ST18: variants seen among roughly 807,000 people sequenced by gnomAD.
ST18 encodes the protein ST18 C2H2C-type zinc finger transcription factor, also known as suppression of tumorigenicity 18 protein.
A neutral mutation model predicts 110.0 loss-of-function variants in ST18; 50 were observed. That is an observed-to-expected ratio of 0.45 (90% CI 0.36 to 0.58). The LOEUF is 0.58. Among genes scored for constraint, ST18 ranks in the 20% least tolerant of loss-of-function variants. ST18 has a pLI of 0.00. For missense variants in ST18, 1,306 were observed against 1,280.1 expected, an observed-to-expected ratio of 1.02 and a Z score of -0.31; for synonymous variants, 461 against 452.4, an observed-to-expected ratio of 1.02 and a Z score of -0.24.
intron 8 of ST18, among the ~76,000 whole-genome samples, chr8:52,184,907 A>G (rs568742890): frequency 6.6e-6 from 1 of 152,316 alleles, no homozygotes; most frequent in South Asian, 2.1e-4. Flanking sequence ...GAGACAGAAT[A>G]CCACAGATTC....
At chr8:52,124,308 C>T (rs986212266) in intron 23 of ST18, among the ~76,000 whole-genome samples, 4 of 151,838 alleles carry the variant, frequency 2.6e-5, no homozygotes, top group East Asian at 3.9e-4. Flanking sequence ...CTGAGTAGCT[C>T]GGACTACAGG....
At chr8:52,281,063 T>C (rs1203901825) in intron 2 of ST18, among the ~76,000 whole-genome samples, 2 of 151,884 alleles carry the variant, frequency 1.3e-5, no homozygotes, top group Non-Finnish European at 2.9e-5. Flanking sequence ...AAACTAAAAG[T>C]TTAAATGCTT....
At chr8:52,151,562 T>A (rs2058809889) in intron 15 of ST18, among the ~76,000 whole-genome samples, 1 of 152,212 alleles carries the variant, frequency 6.6e-6, no homozygotes, top group Non-Finnish European at 1.5e-5. Context: ...CCAGCATTAA[T>A]AAACCTTAGT....
intron 22 of ST18, among the ~76,000 whole-genome samples, chr8:52,129,146 G>A (rs1025261484): frequency 1.3e-5 from 2 of 152,066 alleles, no homozygotes; most frequent in Admixed American, 6.5e-5. Context: ...AGGCATAAGC[G>A]AGGCGTTTTG....
rs1330208858 is a variant in ST18 at position 52,383,699 on chromosome 8, G to T, written c.-465+25629C>A. Among the ~76,000 whole-genome samples, 11 of 152,108 alleles carry T rather than the reference G, an allele frequency of 7.2e-5. No individual in the cohort carries two copies. In the East Asian group the frequency reaches 2.1e-3, roughly 30 times the overall value. On this transcript the variant is annotated intron_variant, in intron 2 of 25. Transcript: ENST00000689386. ...CCTGACCTCGTGATCCACCCGCCTT[G>T]GCTTCCCAAAGTGCTGGGATTACAG...
intron 9 of ST18, 44 bp from the exon 10 acceptor site, chr8:52,172,627 AT>A: frequency 6.8e-7 from 1 of 1,472,800 alleles, no homozygotes; most frequent in Non-Finnish European, 9.0e-7. Context: ...AGAACAAAAA[AT>A]ATTTTAGGAA....
intron 2 of ST18, among the ~76,000 whole-genome samples, chr8:52,390,692 C>A (rs549363083): frequency 6.6e-6 from 1 of 152,288 alleles, no homozygotes; most frequent in East Asian, 1.9e-4. Context: ...AGGACAGCAG[C>A]TGAACAATGG....
chr8:52,247,773 G>A (rs918508413), intron 2 of ST18, among the ~76,000 whole-genome samples: 1 of 152,076 alleles, frequency 6.6e-6, no homozygotes, highest in East Asian at 1.9e-4. Context: ...CTTTTTCCAC[G>A]ATTTCTATCA....
intron 12 of ST18, among the ~76,000 whole-genome samples, 169 bp downstream of exon 12, chr8:52,164,966 T>G (rs778128983): frequency 5.3e-5 from 8 of 152,232 alleles, no homozygotes; most frequent in Non-Finnish European, 1.2e-4. Context: ...TGAGGTCCTT[T>G]CTTTTTGACA....
At chr8:52,350,650 C>A (rs1024374993) in intron 2 of ST18, among the ~76,000 whole-genome samples, 10 of 152,100 alleles carry the variant, frequency 6.6e-5, no homozygotes, top group African/African-American at 2.4e-4. Flanking sequence ...GAGGCAAGAT[C>A]ACGGGACTTC....
chr8:52,379,688 C>A (rs1833812977), intron 2 of ST18, among the ~76,000 whole-genome samples: 1 of 152,016 alleles, frequency 6.6e-6, no homozygotes, highest in South Asian at 2.1e-4. Flanking sequence ...CATTTACTAC[C>A]ATTAAATATA....
At chr8:52,113,472 C>T in intron 25 of ST18, 134 bp from the exon 26 acceptor site, 1 of 942,104 alleles carries the variant, frequency 1.1e-6, no homozygotes, top group Middle Eastern at 2.2e-4. Context: ...GCTGGGGTTG[C>T]AGGGGATGGA....
intron 2 of ST18, among the ~76,000 whole-genome samples, chr8:52,303,201 T>C (rs954445019): frequency 6.6e-6 from 1 of 152,236 alleles, no homozygotes; most frequent in African/African-American, 2.4e-5. Flanking sequence ...AGCAGGACCA[T>C]GCACCCTCTG....
chr8:52,278,002 C>CA (rs2095306978), intron 2 of ST18, among the ~76,000 whole-genome samples: 1 of 152,132 alleles, frequency 6.6e-6, no homozygotes, highest in Non-Finnish European at 1.5e-5. Flanking sequence ...TATAAATGCA[C>CA]AAAATATTAT....
At chr8:52,305,094 A>C (rs542761022) in intron 2 of ST18, among the ~76,000 whole-genome samples, 1 of 152,306 alleles carries the variant, frequency 6.6e-6, no homozygotes, top group South Asian at 2.1e-4. Context: ...ATAATAGCTT[A>C]AGTAGTAGTA....
chr8:52,224,627 C>T (rs1588856878), intron 3 of ST18, among the ~76,000 whole-genome samples: 1 of 152,208 alleles, frequency 6.6e-6, no homozygotes. Context: ...GGAAAAACAG[C>T]TCCCATGGCA....
At chr8:52,316,417 T>C (rs1178235971) in intron 2 of ST18, among the ~76,000 whole-genome samples, 1 of 152,254 alleles carries the variant, frequency 6.6e-6, no homozygotes, top group Non-Finnish European at 1.5e-5. Flanking sequence ...ACCTGTGACA[T>C]TAGCAAACTT....
intron 15 of ST18, among the ~76,000 whole-genome samples, chr8:52,153,851 T>A (rs1038406535): frequency 1.2e-4 from 18 of 152,254 alleles, no homozygotes; most frequent in Non-Finnish European, 5.9e-5. Flanking sequence ...AATGGGATAA[T>A]AATATCTGCT....
At chr8:52,307,769 A>G (rs570845801) in intron 2 of ST18, among the ~76,000 whole-genome samples, 3 of 152,326 alleles carry the variant, frequency 2.0e-5, no homozygotes, top group South Asian at 2.1e-4. Flanking sequence ...TAGTTATTAC[A>G]GTAGCCTAAG....
Sources: allele counts gnomAD v4.1 joint callset (sites outside exome capture counted in the v4.1 genomes callset), GRCh38; gene constraint gnomAD v4.1.1; transcripts MANE v1.5; gene names NCBI Gene and HGNC (gene_info 2026-07-23, HGNC 2026-07-21).